Variants in SLC18B1 observed in about 807,000 individuals in gnomAD.
SLC18B1 encodes the protein MFS-type transporter SLC18B1.
In SLC18B1, 62 loss-of-function variants were observed where a neutral mutation model predicts 53.9. That is an observed-to-expected ratio of 1.15 (90% confidence interval 0.94 to 1.42). SLC18B1 has a LOEUF of 1.42. Ranked by LOEUF, SLC18B1 falls within the 40% of genes most tolerant of loss-of-function variation. The pLI is 0.00. For missense variants in SLC18B1, 598 were observed against 547.3 expected (o/e 1.09, Z -0.93); for synonymous variants, 217 against 200.9 (o/e 1.08, Z -0.68).
At chr6:132,777,366 C>T (rs1400024607) in intron 7 of SLC18B1, among the ~76,000 whole-genome samples, 1 of 152,100 alleles carries the variant, frequency 6.6e-6, no homozygotes, top group Non-Finnish European at 1.5e-5. Context: ...TTCCTCATCA[C>T]TTAAAAATAA....
chr6:132,770,501 A>G (rs1336572434), intron 13 of SLC18B1, among the ~76,000 whole-genome samples, 165 bp from the exon 14 acceptor site: 1 of 152,120 alleles, frequency 6.6e-6, no homozygotes, highest in Non-Finnish European at 1.5e-5. Context: ...TTTGGGAGGC[A>G]GAGGCAGGCG....
intron 5 of SLC18B1, among the ~76,000 whole-genome samples, chr6:132,786,455 A>C (rs1385846180): frequency 6.6e-6 from 1 of 151,628 alleles, no homozygotes; most frequent in Admixed American, 6.6e-5. Flanking sequence ...AGGCTGAGGC[A>C]AGAGAATAGC....
Position 132,770,836 on chromosome 6 carries a change from A to G in SLC18B1, c.1304+54T>C, listed in dbSNP as rs1424683643. On this transcript the variant is annotated intron_variant, in intron 13 of 13. Transcript: ENST00000275227. ...AAATGTAAAATGTTATTTATTTTCC[A>G]CTTGCACTGGCTAACTTTTAAAGAG... 48 of 1,485,500 alleles carry G rather than the reference A, an allele frequency of 3.2e-5. No homozygotes were observed. The South Asian group carries it at 5.1e-4, about 16-fold the overall frequency. The allele number at this position is 1,485,500 out of a possible 1,614,324, so 92.0% of individuals were successfully genotyped here. A position where few individuals can be genotyped will look rare whatever the true frequency, so the allele number is the denominator to read the frequency against.
rs577026830 is a variant in SLC18B1 at position 132,783,747 on chromosome 6, G to T, written c.658+186C>A. Among the ~76,000 whole-genome samples the T allele has an allele frequency of 5.3e-5, 8 of 152,198 alleles. No homozygotes were observed. The South Asian group carries it at 1.7e-3, about 32-fold the overall frequency. On this transcript the variant is annotated intron_variant, in intron 6 of 13. Coordinates refer to ENST00000275227, the MANE Select transcript of SLC18B1 (RefSeq NM_052831.3). Reference sequence around the variant, plus strand: ...AAATTAAATATTTGCTAGCTCTAAAGGTTGGAAAGAATTTGTAATTTACAG... The same window carrying T: ...AAATTAAATATTTGCTAGCTCTAAATGTTGGAAAGAATTTGTAATTTACAG...
chr6:132,790,501 A>G (rs1781494501), intron 2 of SLC18B1, among the ~76,000 whole-genome samples: 1 of 152,222 alleles, frequency 6.6e-6, no homozygotes, highest in Admixed American at 6.5e-5. Context: ...CCATACCTAT[A>G]AAGAATTGTT....
intron 7 of SLC18B1, among the ~76,000 whole-genome samples, chr6:132,777,590 T>C (rs1393958483): frequency 6.6e-6 from 1 of 152,106 alleles, no homozygotes; most frequent in Non-Finnish European, 1.5e-5. Flanking sequence ...GGCACACACC[T>C]GTAGTACCAG....
At chr6:132,771,784 T>C (rs541369259) in intron 11 of SLC18B1, among the ~76,000 whole-genome samples, 1 of 152,298 alleles carries the variant, frequency 6.6e-6, no homozygotes, top group Admixed American at 6.5e-5. Flanking sequence ...ATTTTCCATC[T>C]TGCAAGTATG....
rs201837919 is a variant in SLC18B1, at chr6:132,783,948, T to C, written c.643A>G (p.Ile215Val). The C allele has an allele frequency of 3.2e-4, 506 of 1,595,080 alleles. 1 individual carries two copies. The East Asian group carries it at 0.011, about 33-fold the overall frequency. The change falls in exon 6 of 14, where the codon ATT becomes GTT. Residue 215 changes from isoleucine (I) to valine (V), a missense_variant. Transcript: ENST00000275227. ...GTGGACTTACCGTAATTGGGTAAAA[T>C]ATACATATTGAGTGGTACCATCAGC... ...VLLMVPLNMY[I>V]LPNYESDPGE...
chr6:132,798,269 G>T (rs903627532), intron 1 of SLC18B1, 145 bp downstream of exon 1: 4 of 824,176 alleles, frequency 4.9e-6, no homozygotes, highest in Non-Finnish European at 6.7e-6. Flanking sequence ...GAAAAGAAAC[G>T]CTGGCCCGAA....
At chr6:132,781,578 G>A (rs577479716) in intron 6 of SLC18B1, among the ~76,000 whole-genome samples, 1 of 152,166 alleles carries the variant, frequency 6.6e-6, no homozygotes, top group African/African-American at 2.4e-5. Flanking sequence ...CCAACATAGT[G>A]AAACGCTGTC....
chr6:132,779,370 C>A lies in SLC18B1; in HGVS notation c.693G>T (p.Leu231=). ...SDPGEHSFWK[L]IALPKVGLIA... is the part of the protein sequence containing the mutation. ...TAAGGCCAACTTTGGGTAAAGCGAT[C>A]AGTTTCCAGAATGAGTGTTCACCTG... Residue 231 remains leucine, a synonymous_variant, in exon 7 of 14, where the codon CTG becomes CTT. Coordinates refer to ENST00000275227, the MANE Select transcript of SLC18B1 (RefSeq NM_052831.3). 6.2e-7 allele frequency: 1 copy of A among 1,612,762 alleles called. No homozygotes were observed.
At chr6:132,779,454 C>A (rs781141208) in intron 6 of SLC18B1, 50 bp from the exon 7 acceptor site, 44 of 1,556,798 alleles carry the variant, frequency 2.8e-5, no homozygotes, top group East Asian at 6.8e-5. Flanking sequence ...CAATTAAAAT[C>A]TCTTAATTTT....
rs1009759605 is a variant in SLC18B1 at position 132,774,446 on chromosome 6, T to G, written c.898-133A>C. ...CAAATACAATGAAGAAAACAAAACT[T>G]TACATTTAAAAGAAAGTAAGGAGAT... On this transcript the variant is annotated intron_variant, in intron 8 of 13. Transcript: ENST00000275227. The G allele has an allele frequency of 4.9e-6, 3 of 613,042 alleles. No individual in the cohort carries two copies. The African/African-American group carries it at 5.6e-5, about 11-fold the overall frequency. 38.0% of individuals were successfully genotyped at this position (613,042 alleles called of 1,614,324 possible).
intron 11 of SLC18B1, among the ~76,000 whole-genome samples, chr6:132,771,646 T>C (rs1305854695): frequency 2.0e-5 from 3 of 152,204 alleles, no homozygotes; most frequent in African/African-American, 7.2e-5. Context: ...TAGGCATTGA[T>C]TGTTGAGTGA....
chr6:132,787,375 A>G, intron 5 of SLC18B1, 59 bp downstream of exon 5: 3 of 1,443,160 alleles, frequency 2.1e-6, no homozygotes, highest in Non-Finnish European at 2.7e-6. Context: ...TTAACTTGGA[A>G]GGGCAAATAT....
Position 132,798,578 on chromosome 6 carries a change from C to G in SLC18B1, c.-122G>C. On this transcript the variant is annotated 5_prime_UTR_variant, in exon 1 of 14. Coordinates refer to ENST00000275227, the MANE Select transcript of SLC18B1 (RefSeq NM_052831.3). Reference sequence around the variant, plus strand: ...CTGCTCAGCTGGAACCTGGCATCCCCGACTCCCTGCAGGCAGCGATCCGCC... The same window carrying G: ...CTGCTCAGCTGGAACCTGGCATCCCGGACTCCCTGCAGGCAGCGATCCGCC... 2 of 1,031,562 alleles carry G rather than the reference C, an allele frequency of 1.9e-6. No individual in the cohort carries two copies. Among genetic ancestry groups the G allele is most frequent in the Non-Finnish European group, 2.6e-6 (2 of 772,184 alleles). 63.9% of individuals were successfully genotyped at this position (1,031,562 alleles called of 1,614,324 possible).
chr6:132,797,232 C>T, intron 1 of SLC18B1, 111 bp from the exon 2 acceptor site: 1 of 1,342,342 alleles, frequency 7.4e-7, no homozygotes, highest in South Asian at 1.4e-5. Flanking sequence ...ATTTGCTAAG[C>T]TTAGGGCTAT....
At chr6:132,770,395 C>A in intron 13 of SLC18B1, 59 bp from the exon 14 acceptor site, 6 of 1,456,366 alleles carry the variant, frequency 4.1e-6, no homozygotes, top group African/African-American at 2.8e-5. Context: ...AACAAACAAA[C>A]AAACAAAAAA....
chr6:132,793,945 C>T (rs1480845385), intron 2 of SLC18B1, among the ~76,000 whole-genome samples: 1 of 152,092 alleles, frequency 6.6e-6, no homozygotes, highest in African/African-American at 2.4e-5. Context: ...AGCACACACC[C>T]ACAGCATGGT....
Sources: gnomAD v4.1 joint callset for allele counts (sites outside exome capture counted in the v4.1 genomes callset) on GRCh38, gnomAD v4.1.1 for gene constraint, MANE v1.5 for transcripts, NCBI Gene and HGNC (gene_info 2026-07-23, HGNC 2026-07-21) for gene names.